ERCC6L2: variants seen among roughly 807,000 people sequenced by gnomAD.
The protein encoded by ERCC6L2 is DNA excision repair protein ERCC-6-like 2.
Under a neutral mutation model 132.0 loss-of-function variants are expected in ERCC6L2, and 77 were observed. The observed-to-expected ratio is 0.58, with a 90% CI of 0.49 to 0.71. ERCC6L2 has a LOEUF of 0.71. ERCC6L2 is among the 30% of genes least tolerant of loss of function. The pLI is 0.00. For synonymous variants in ERCC6L2, 583 were observed against 632.4 expected (o/e 0.92, Z 1.17); for missense variants, 1,542 against 1,837.6 (o/e 0.84, Z 2.94).
At position 96,014,414 on chromosome 9, in the gene ERCC6L2, A is replaced by G. The variant is rs1834134784; in HGVS notation, c.*1211A>G. The G allele has an allele frequency of 6.6e-6, 1 of 152,246 alleles. No homozygotes were observed. Among genetic ancestry groups the G allele is most frequent in the African/African-American group, 2.4e-5 (1 of 41,468 alleles). The allele number at this position is 152,246 out of a possible 1,614,324, so 9.4% of individuals were successfully genotyped here. A position where few individuals can be genotyped will look rare whatever the true frequency, so the allele number is the denominator to read the frequency against. On this transcript the variant is annotated 3_prime_UTR_variant, in exon 19 of 19. Coordinates refer to ENST00000653738, the MANE Select transcript of ERCC6L2 (RefSeq NM_020207.7). Reference sequence around the variant, plus strand: ...TTGCTCAGAAGTGAACAAAAAATCAAAAACAAAAGTCTTCTCAAGGGACTG... The same window carrying G: ...TTGCTCAGAAGTGAACAAAAAATCAGAAACAAAAGTCTTCTCAAGGGACTG...
rs1834139190 is a variant in ERCC6L2, at chr9:96,014,613, G to A, written c.*1410G>A. 1 of 152,224 alleles carries A rather than the reference G, an allele frequency of 6.6e-6. No homozygotes were observed. The highest frequency in any genetic ancestry group is 1.5e-5 in the Non-Finnish European group (1 of 68,034). The allele number at this position is 152,224 out of a possible 1,614,324, so 9.4% of individuals were successfully genotyped here. A position where few individuals can be genotyped will look rare whatever the true frequency, so the allele number is the denominator to read the frequency against. Reference sequence around the variant, plus strand: ...TGACATTTTTCTCTTCTAGGATTGTGTTTGGTAGGGCAGTGGGTTTGTGTG... The same window carrying A: ...TGACATTTTTCTCTTCTAGGATTGTATTTGGTAGGGCAGTGGGTTTGTGTG... On this transcript the variant is annotated 3_prime_UTR_variant, in exon 19 of 19. Transcript: ENST00000653738.
chr9:95,898,582 A>G (rs999600470), intron 3 of ERCC6L2, among the ~76,000 whole-genome samples: 1 of 152,146 alleles, frequency 6.6e-6, no homozygotes, highest in South Asian at 2.1e-4. Flanking sequence ...TGATTCTTAC[A>G]AAAAAGATTT....
chr9:95,935,078 A>G (rs1180071648), intron 11 of ERCC6L2, among the ~76,000 whole-genome samples: 2 of 152,214 alleles, frequency 1.3e-5, no homozygotes, highest in Admixed American at 1.3e-4. Context: ...CTTAATGTGC[A>G]GCAAGAAAAA....
At chr9:95,944,390 G>A (rs914010467) in intron 12 of ERCC6L2, among the ~76,000 whole-genome samples, 1 of 152,176 alleles carries the variant, frequency 6.6e-6, no homozygotes, top group African/African-American at 2.4e-5. Context: ...GAATTATTGT[G>A]TAATGGGCAT....
At chr9:95,895,016 T>C (rs1268150385) in intron 2 of ERCC6L2, among the ~76,000 whole-genome samples, 2 of 152,300 alleles carry the variant, frequency 1.3e-5, no homozygotes, top group East Asian at 1.9e-4. Flanking sequence ...ATTAAAGTCT[T>C]CTGTATCTTT....
chr9:96,004,542 C>T lies in ERCC6L2; in HGVS notation c.3515C>T (p.Ala1172Val). 7.7e-7 allele frequency: 1 copy of T among 1,306,090 alleles called. No homozygotes were observed. Among genetic ancestry groups the T allele is most frequent in the Non-Finnish European group, 1.0e-6 (1 of 989,304 alleles). The allele number at this position is 1,306,090 out of a possible 1,614,324, so 80.9% of individuals were successfully genotyped here. ...CAGACATATAAAGAAAAAGTGGATG[C>T]AGATACATTGCCACACACAAAGAAA... ...SSKTYKEKVD[A>V]DTLPHTKKGQ... Residue 1172 changes from alanine to valine, a missense_variant, in exon 18 of 19, where the codon GCA (alanine) becomes GTA (valine). Physicochemically the swap from Ala to Val is moderately conservative, Grantham distance 64. Transcript: ENST00000653738.
intron 3 of ERCC6L2, among the ~76,000 whole-genome samples, chr9:95,903,665 T>C (rs1005743137): frequency 2.0e-5 from 3 of 152,088 alleles, no homozygotes; most frequent in African/African-American, 7.2e-5. Context: ...GATGAATGAA[T>C]TAATAATTGA....
chr9:95,934,845 A>G (rs1431692558), intron 11 of ERCC6L2, among the ~76,000 whole-genome samples: 1 of 152,144 alleles, frequency 6.6e-6, no homozygotes, highest in Non-Finnish European at 1.5e-5. Flanking sequence ...GAGAAACATC[A>G]TTTTCTGTCT....
In ERCC6L2 at chr9:95,922,403, T is replaced by G; in HGVS notation, c.1398T>G (p.Ser466Arg). 1 of 1,606,848 alleles carries G rather than the reference T, an allele frequency of 6.2e-7. No homozygotes were observed. Among genetic ancestry groups the G allele is most frequent in the South Asian group, 1.1e-5 (1 of 90,718 alleles). ...ANHVALLQAASTSKQQETLIK... is the reference protein window; with the variant it reads ...ANHVALLQAARTSKQQETLIK... ...ATGTCGCGCTACTGCAAGCTGCTAG[T>G]ACTTCCAAACAACAGGTTTGGTTAG... Residue 466 changes from serine (S) to arginine (R), a missense_variant, in exon 8 of 19, where the codon AGT becomes AGG. Coordinates refer to ENST00000653738, the MANE Select transcript of ERCC6L2 (RefSeq NM_020207.7).
rs954889691 is a variant in ERCC6L2 at position 96,017,960 on chromosome 9, G to A, written c.*4757G>A. On this transcript the variant is annotated 3_prime_UTR_variant, in exon 19 of 19. Coordinates refer to ENST00000653738, the MANE Select transcript of ERCC6L2 (RefSeq NM_020207.7). ...TACAACATAGATGAATCTTGAGGACGGTATGCAAAGTGAAATAAATCAGAC... is the reference window on the plus strand; with the variant it reads ...TACAACATAGATGAATCTTGAGGACAGTATGCAAAGTGAAATAAATCAGAC... 5.3e-5 allele frequency among the ~76,000 whole-genome samples: 8 copies of A among 152,094 alleles called. No individual in the cohort carries two copies. The highest frequency in any genetic ancestry group is 6.5e-5 in the Admixed American group (1 of 15,272).
intron 20 of ERCC6L2, among the ~76,000 whole-genome samples, chr9:96,041,040 A>G (rs912793629): frequency 6.6e-6 from 1 of 152,194 alleles, no homozygotes; most frequent in Non-Finnish European, 1.5e-5. Context: ...TCTACCAAGA[A>G]CGAGCCCGAT....
chr9:95,989,274 T>TG (rs1056698423), intron 17 of ERCC6L2, among the ~76,000 whole-genome samples: 1 of 152,166 alleles, frequency 6.6e-6, no homozygotes, highest in African/African-American at 2.4e-5. Flanking sequence ...CCCTGAAAGT[T>TG]GGGGGGTGGA....
chr9:95,921,355 T>G, intron 7 of ERCC6L2, 40 bp downstream of exon 7: 1 of 1,536,710 alleles, frequency 6.5e-7, no homozygotes, highest in Non-Finnish European at 8.9e-7. Context: ...TGCTTTTGAT[T>G]ACATAGTACT....
intron 17 of ERCC6L2, among the ~76,000 whole-genome samples, chr9:96,000,644 TAAAA>T (rs1054794688): frequency 6.6e-6 from 1 of 151,822 alleles, no homozygotes; most frequent in Non-Finnish European, 1.5e-5. Flanking sequence ...GAACTTCTAT[TAAAA>T]AAAAGACCAG....
chr9:95,918,397 T>TGA, intron 6 of ERCC6L2: 2 of 378,576 alleles, frequency 5.3e-6, no homozygotes, highest in South Asian at 4.2e-5. Context: ...TCCGCTGCCT[T>TGA]GAGAGAGATA....
chr9:95,928,993 T>C, intron 11 of ERCC6L2, 129 bp downstream of exon 11: 1 of 602,222 alleles, frequency 1.7e-6, no homozygotes, highest in Non-Finnish European at 2.6e-6. Flanking sequence ...AATACTATTA[T>C]GACCGAAATT....
At chr9:95,975,256 G>A (rs758982430) in intron 16 of ERCC6L2, among the ~76,000 whole-genome samples, 3 of 151,974 alleles carry the variant, frequency 2.0e-5, no homozygotes, top group South Asian at 2.1e-4. Context: ...AGTCTTCCTC[G>A]CATCGTTCTG....
chr9:95,942,875 G>T (rs1290773608), intron 12 of ERCC6L2, among the ~76,000 whole-genome samples: 1 of 152,050 alleles, frequency 6.6e-6, no homozygotes, highest in Non-Finnish European at 1.5e-5. Flanking sequence ...AGGGCTAAAA[G>T]GTTCCAAAGT....
chr9:96,030,246 A>G (rs1417721233), intron 19 of ERCC6L2, among the ~76,000 whole-genome samples: 1 of 152,202 alleles, frequency 6.6e-6, no homozygotes, highest in East Asian at 1.9e-4. Flanking sequence ...AAATGGACCA[A>G]TCAGCAGGAC....
Sources: allele counts gnomAD v4.1 joint callset (sites outside exome capture counted in the v4.1 genomes callset), GRCh38; gene constraint gnomAD v4.1.1; transcripts MANE v1.5; gene names NCBI Gene and HGNC (gene_info 2026-07-23, HGNC 2026-07-21).